Variants in BARD1 observed in about 807,000 individuals in gnomAD.
BARD1 encodes the protein BRCA1 associated RING domain 1, also known as BRCA1-associated RING domain protein 1.
In BARD1, 73 loss-of-function variants were observed where a neutral mutation model predicts 77.0. The observed-to-expected ratio is 0.95, with a 90% CI of 0.79 to 1.15. The LOEUF is 1.15. Among genes scored for constraint, BARD1 ranks in the 50% most tolerant of loss-of-function variants. The pLI, the probability that BARD1 is intolerant of heterozygous loss-of-function variation, is 0.00. For synonymous variants in BARD1, 384 were observed against 338.0 expected, an observed-to-expected ratio of 1.14 and a Z score of -1.49; for missense variants, 993 against 938.8, an observed-to-expected ratio of 1.06 and a Z score of -0.75.
intron 1 of BARD1, 122 bp downstream of exon 1, chr2:214,809,290 C>T (rs1696440953): frequency 7.0e-7 from 1 of 1,430,954 alleles, no homozygotes; most frequent in African/African-American, 1.4e-5. Context: ...GCTAACCGCA[C>T]GCCGACCCGA....
intron 7 of BARD1, among the ~76,000 whole-genome samples, chr2:214,751,903 T>C (rs919961500): frequency 7.2e-5 from 11 of 152,186 alleles, no homozygotes; most frequent in Non-Finnish European, 1.5e-4. Context: ...CCTTCCAACA[T>C]ACCAGCCTCA....
intron 3 of BARD1, among the ~76,000 whole-genome samples, chr2:214,785,075 TCC>T (rs1695211607): frequency 5.7e-5 from 2 of 35,292 alleles, no homozygotes; most frequent in Admixed American, 4.5e-4. Flanking sequence ...AGCCTTTTCT[TCC>T]CTCTACCTCT....
chr2:214,786,395 G>A (rs1185749942), intron 3 of BARD1, among the ~76,000 whole-genome samples: 1 of 151,698 alleles, frequency 6.6e-6, no homozygotes, highest in Admixed American at 6.6e-5. Flanking sequence ...TGTTTTACCA[G>A]CTTAAAATTA....
chr2:214,756,877 T>C (rs1006621597), intron 6 of BARD1, among the ~76,000 whole-genome samples: 3 of 152,150 alleles, frequency 2.0e-5, no homozygotes, highest in African/African-American at 7.2e-5. Flanking sequence ...CTGGGTTCAG[T>C]GTGTACTGCT....
Position 214,769,225 on chromosome 2 carries a change from C to A in BARD1, c.1395+7G>T, listed in dbSNP as rs750290359. On this transcript the variant is annotated splice_region_variant and intron_variant, in intron 5 of 10. Transcript: ENST00000260947. ...AGAAAGAATGAGAATAAAAACCAGA[C>A]AACTACCAATGGTGTCCATCCAGCA... The A allele has an allele frequency of 6.2e-7, 1 of 1,606,440 alleles. No individual in the cohort carries two copies. The highest frequency in any genetic ancestry group is 8.5e-7 in the Non-Finnish European group (1 of 1,173,140).
chr2:214,776,215 G>C (rs767389464), intron 4 of BARD1, among the ~76,000 whole-genome samples: 3 of 152,172 alleles, frequency 2.0e-5, no homozygotes, highest in Non-Finnish European at 4.4e-5. Context: ...ATTTGTGCTA[G>C]AGAACTTGGT....
intron 7 of BARD1, among the ~76,000 whole-genome samples, chr2:214,751,097 G>A (rs868231359): frequency 1.8e-4 from 2 of 11,070 alleles, no homozygotes; most frequent in African/African-American, 4.0e-4. Context: ...GTGTGTGTGT[G>A]TGTGTGTGTG....
At chr2:214,787,862 C>T (rs1346869060) in intron 3 of BARD1, among the ~76,000 whole-genome samples, 1 of 151,958 alleles carries the variant, frequency 6.6e-6, no homozygotes, top group African/African-American at 2.4e-5. Context: ...TCAAGTTATT[C>T]TCTATTATAG....
intron 3 of BARD1, among the ~76,000 whole-genome samples, chr2:214,791,901 T>G (rs1250037669): frequency 6.6e-6 from 1 of 152,170 alleles, no homozygotes; most frequent in Non-Finnish European, 1.5e-5. Flanking sequence ...TTCTCCAGCT[T>G]CTAGTACTAA....
intron 1 of BARD1, among the ~76,000 whole-genome samples, chr2:214,797,870 A>G (rs1022838584): frequency 6.6e-6 from 1 of 152,224 alleles, no homozygotes; most frequent in Non-Finnish European, 1.5e-5. Flanking sequence ...AAAGAGACAC[A>G]GAAACAAAAT....
Position 214,796,956 on chromosome 2 carries a change from G to C in BARD1, c.215+105C>G, listed in dbSNP as rs11891694. The C allele has an allele frequency of 0.033, 31,030 of 936,864 alleles. 1,145 individuals carry two copies. The highest frequency in any genetic ancestry group is 0.14 in the African/African-American group (8,610 of 61,450). The allele number at this position is 936,864 out of a possible 1,614,324, so 58.0% of individuals were successfully genotyped here. On this transcript the variant is annotated intron_variant, in intron 2 of 10. Transcript: ENST00000260947. Reference sequence around the variant, plus strand: ...TACAATAGGTTACTTTGCAGACTTTGAAAGTTACACAAACATCAAGTACCA... The same window carrying C: ...TACAATAGGTTACTTTGCAGACTTTCAAAGTTACACAAACATCAAGTACCA...
At chr2:214,778,698 C>T (rs1285621474) in intron 4 of BARD1, among the ~76,000 whole-genome samples, 2 of 152,094 alleles carry the variant, frequency 1.3e-5, no homozygotes, top group African/African-American at 4.8e-5. Context: ...GCTACTTTTG[C>T]ACTAAGAAGG....
chr2:214,781,578 A>AT, intron 3 of BARD1, 69 bp from the exon 4 acceptor site: 1 of 1,336,888 alleles, frequency 7.5e-7, no homozygotes, highest in Non-Finnish European at 1.0e-6. Flanking sequence ...CTCCCGAAGA[A>AT]TTTTGTTTAC....
chr2:214,728,508 A>G lies in BARD1; in HGVS notation c.*168T>C. ...CAATCCCAGCTTCTAAATGGTAAAC[A>G]TAACATGAATTCCTAATCTGGCATT... On this transcript the variant is annotated 3_prime_UTR_variant, in exon 11 of 11. Coordinates refer to ENST00000260947, the MANE Select transcript of BARD1 (RefSeq NM_000465.4). 1.4e-6 allele frequency: 1 copy of G among 692,390 alleles called. No homozygotes were observed. The highest frequency in any genetic ancestry group is 2.7e-5 in the East Asian group (1 of 36,668). The allele number at this position is 692,390 out of a possible 1,614,324, so 42.9% of individuals were successfully genotyped here. A position where few individuals can be genotyped will look rare whatever the true frequency, so the allele number is the denominator to read the frequency against.
chr2:214,744,011 T>C (rs1403909360), intron 9 of BARD1, among the ~76,000 whole-genome samples: 3 of 152,204 alleles, frequency 2.0e-5, no homozygotes, highest in African/African-American at 7.2e-5. Context: ...ACTAATCTTT[T>C]GTAAACAATT....
intron 9 of BARD1, among the ~76,000 whole-genome samples, chr2:214,739,120 G>C (rs890351738): frequency 2.0e-5 from 3 of 152,112 alleles, no homozygotes; most frequent in African/African-American, 7.2e-5. Context: ...CTGCAGTCCA[G>C]CCTGTGTGAC....
chr2:214,751,051 G>T (rs1469564430), intron 7 of BARD1, among the ~76,000 whole-genome samples: 1 of 140,046 alleles, frequency 7.1e-6, no homozygotes, highest in African/African-American at 2.7e-5. Flanking sequence ...TACCCTGAAA[G>T]ACTTAGGACA....
rs1039513524 is a variant in BARD1 at position 214,782,227 on chromosome 2, T to A, written c.365-718A>T. 2.0e-5 allele frequency among the ~76,000 whole-genome samples: 3 copies of A among 152,150 alleles called. No individual in the cohort carries two copies. In the South Asian group the frequency reaches 6.2e-4, roughly 31 times the overall value. ...TAAGAATAAATGAACAATAACTACA[T>A]ATTCAAACATAATCTCTTAAGCAAA... On this transcript the variant is annotated intron_variant, in intron 3 of 10. Transcript: ENST00000260947.
chr2:214,792,263 G>A, intron 3 of BARD1, 34 bp downstream of exon 3: 1 of 1,604,306 alleles, frequency 6.2e-7, no homozygotes. Flanking sequence ...TTTAACTGAT[G>A]AATTTAACTA....
Sources: gnomAD v4.1 joint callset for allele counts (sites outside exome capture counted in the v4.1 genomes callset) on GRCh38, gnomAD v4.1.1 for gene constraint, MANE v1.5 for transcripts, NCBI Gene and HGNC (gene_info 2026-07-23, HGNC 2026-07-21) for gene names.